The following CLMP variants were observed in gnomAD, a reference collection of about 807,000 sequenced individuals.
CLMP encodes CXADR like cell adhesion molecule, also known as CXADR-like membrane protein.
Under a neutral mutation model 45.2 loss-of-function variants are expected in CLMP, and 27 were observed. The ratio of observed to expected loss-of-function variants is 0.60; its 90% CI spans 0.44 to 0.82. The LOEUF (loss-of-function observed/expected upper bound fraction) is 0.82, where lower values mean the gene tolerates loss of function less well. Among genes scored for constraint, CLMP ranks in the 40% least tolerant of loss-of-function variants. The probability of loss-of-function intolerance (pLI) is 0.00; values close to 1 mark genes in which losing one functional copy is unlikely to be tolerated. For synonymous variants in CLMP, 167 were observed against 171.4 expected, an observed-to-expected ratio of 0.97 and a Z score of 0.20; for missense variants, 403 against 448.4, an observed-to-expected ratio of 0.90 and a Z score of 0.91.
intron 5 of CLMP, among the ~76,000 whole-genome samples, chr11:123,082,796 G>A (rs56154230): frequency 0.21 from 31,829 of 151,642 alleles, 3,425 homozygotes; most frequent in Admixed American, 0.28. Context: ...TAGTAGAAAC[G>A]GGGTTTCACC....
At chr11:123,136,438 T>TG in intron 1 of CLMP, 1 of 364,044 alleles carries the variant, frequency 2.7e-6, no homozygotes, top group Non-Finnish European at 4.9e-6. Context: ...GCCCTCCTTG[T>TG]CCCCCCCCAC....
chr11:123,186,734 G>C (rs1350967609), intron 1 of CLMP, among the ~76,000 whole-genome samples: 1 of 152,090 alleles, frequency 6.6e-6, no homozygotes, highest in East Asian at 1.9e-4. Context: ...TGTTGGCCAG[G>C]CTGGTTTTGA....
chr11:123,101,581 A>C (rs1866060744), intron 1 of CLMP, among the ~76,000 whole-genome samples: 1 of 152,212 alleles, frequency 6.6e-6, no homozygotes, highest in Non-Finnish European at 1.5e-5. Context: ...TTGGGCTGAG[A>C]CTGCTGGGGA....
At chr11:123,099,790 A>G (rs1866034025) in intron 1 of CLMP, among the ~76,000 whole-genome samples, 1 of 152,204 alleles carries the variant, frequency 6.6e-6, no homozygotes, top group Admixed American at 6.5e-5. Flanking sequence ...AAAGTGAAGC[A>G]GTTGATGGGA....
intron 2 of CLMP, among the ~76,000 whole-genome samples, chr11:123,094,668 A>G (rs1240367961): frequency 6.6e-6 from 1 of 152,200 alleles, no homozygotes; most frequent in African/African-American, 2.4e-5. Flanking sequence ...AGTAGCTGGG[A>G]CTACAGGCAC....
chr11:123,103,633 G>A (rs982737633), intron 1 of CLMP, among the ~76,000 whole-genome samples: 3 of 152,102 alleles, frequency 2.0e-5, no homozygotes, highest in South Asian at 2.1e-4. Flanking sequence ...ACTTCAGTTC[G>A]TTAGACTCCA....
At chr11:123,073,815 GTGATTGCTTCCAGTA>G (rs763419216) in intron 6 of CLMP, 41 bp from the exon 7 acceptor site, 19 of 1,526,024 alleles carry the variant, frequency 1.2e-5, no homozygotes, top group Non-Finnish European at 1.6e-5. Flanking sequence ...TGGCAGATCT[GTGATTGCTTCCAGTA>G]TGATTGCTTC....
At chr11:123,192,050 C>G (rs1419047690) in intron 1 of CLMP, among the ~76,000 whole-genome samples, 1 of 152,166 alleles carries the variant, frequency 6.6e-6, no homozygotes, top group Non-Finnish European at 1.5e-5. Flanking sequence ...GGGGAATGAA[C>G]ATGATTTTGA....
intron 1 of CLMP, among the ~76,000 whole-genome samples, chr11:123,141,753 AATTT>A (rs751622953): frequency 1.3e-5 from 2 of 151,978 alleles, no homozygotes; most frequent in Non-Finnish European, 2.9e-5. Flanking sequence ...AAACTTAATT[AATTT>A]ATTATTTTTA....
intron 1 of CLMP, among the ~76,000 whole-genome samples, chr11:123,116,772 G>T (rs1247846901): frequency 6.6e-6 from 1 of 152,112 alleles, no homozygotes; most frequent in Non-Finnish European, 1.5e-5. Context: ...AGCTTGATAT[G>T]ACCACTTTTA....
rs114376979 is a variant in CLMP, at chr11:123,161,144, C to T, written c.28+33769G>A. 6.2e-3 allele frequency among the ~76,000 whole-genome samples: 942 copies of T among 152,296 alleles called. 11 individuals are homozygous for T. The highest frequency in any genetic ancestry group is 0.022 in the African/African-American group (895 of 41,554). On this transcript the variant is annotated intron_variant, in intron 1 of 6. Transcript: ENST00000448775. ...CTAGGTATGTACCAGGTGCCTACTACGTGCCCAGCCCTGGGCCTAGCCCTG... is the reference window on the plus strand; with the variant it reads ...CTAGGTATGTACCAGGTGCCTACTATGTGCCCAGCCCTGGGCCTAGCCCTG...
At chr11:123,105,909 C>T (rs1359560658) in intron 1 of CLMP, among the ~76,000 whole-genome samples, 1 of 151,602 alleles carries the variant, frequency 6.6e-6, no homozygotes, top group East Asian at 1.9e-4. Context: ...CTCCGCCTCC[C>T]GGGTTCCAGC....
chr11:123,170,918 C>T (rs903958676), intron 1 of CLMP, among the ~76,000 whole-genome samples: 3 of 152,174 alleles, frequency 2.0e-5, no homozygotes, highest in Non-Finnish European at 2.9e-5. Context: ...CAAACCAAGA[C>T]GAATGAGTCT....
At chr11:123,143,870 G>A (rs1316314998) in intron 1 of CLMP, among the ~76,000 whole-genome samples, 1 of 151,090 alleles carries the variant, frequency 6.6e-6, no homozygotes, top group Non-Finnish European at 1.5e-5. Flanking sequence ...GTACAGTGGT[G>A]CAATCTTGGC....
At chr11:123,161,915 C>G (rs1041075119) in intron 1 of CLMP, among the ~76,000 whole-genome samples, 11 of 152,152 alleles carry the variant, frequency 7.2e-5, no homozygotes, top group African/African-American at 2.4e-4. Context: ...AATTGGAGAA[C>G]CACTTGATTC....
chr11:123,099,611 T>G (rs1019999407), intron 1 of CLMP, among the ~76,000 whole-genome samples: 11 of 151,914 alleles, frequency 7.2e-5, no homozygotes. Context: ...ATGGAATTCA[T>G]GTGGATAGAA....
intron 2 of CLMP, among the ~76,000 whole-genome samples, chr11:123,087,768 C>T (rs568970221): frequency 1.9e-4 from 28 of 148,470 alleles, no homozygotes; most frequent in African/African-American, 5.7e-4. Flanking sequence ...TTCCAGTGAG[C>T]CAAGATCATG....
chr11:123,102,057 G>C (rs74994098), intron 1 of CLMP, among the ~76,000 whole-genome samples: 14,203 of 152,018 alleles, frequency 0.093, 792 homozygotes, highest in East Asian at 0.16. Context: ...TGGCGGCCCA[G>C]CCTGTAGTCC....
intron 2 of CLMP, among the ~76,000 whole-genome samples, chr11:123,087,521 T>C (rs1435217104): frequency 6.8e-6 from 1 of 148,060 alleles, no homozygotes; most frequent in African/African-American, 2.5e-5. Flanking sequence ...AAAAATAAAA[T>C]GAAATAAATA....
Sources: gnomAD v4.1 joint callset for allele counts (sites outside exome capture counted in the v4.1 genomes callset) on GRCh38, gnomAD v4.1.1 for gene constraint, MANE v1.5 for transcripts, NCBI Gene and HGNC (gene_info 2026-07-23, HGNC 2026-07-21) for gene names.